GRIK3: variants seen among roughly 807,000 people sequenced by gnomAD.
GRIK3 encodes glutamate ionotropic receptor kainate type subunit 3, also known as glutamate receptor ionotropic, kainate 3.
Under a neutral mutation model 102.5 loss-of-function variants are expected in GRIK3, and 29 were observed. The ratio of observed to expected loss-of-function variants is 0.28; its 90% CI spans 0.21 to 0.39. The LOEUF is 0.39. Ranked by LOEUF, GRIK3 falls within the 10% of genes least tolerant of loss-of-function variation. The pLI is 1.00. For synonymous variants in GRIK3, 511 were observed against 504.9 expected, an observed-to-expected ratio of 1.01 and a Z score of -0.16; for missense variants, 908 against 1,252.4, an observed-to-expected ratio of 0.73 and a Z score of 4.15.
chr1:36,922,285 G>T (rs1443367310), intron 1 of GRIK3, among the ~76,000 whole-genome samples: 1 of 152,210 alleles, frequency 6.6e-6, no homozygotes, highest in East Asian at 1.9e-4. Flanking sequence ...AGAACAATGA[G>T]AACCCCAGGA....
intron 1 of GRIK3, among the ~76,000 whole-genome samples, chr1:36,910,173 G>A (rs1009208860): frequency 6.6e-6 from 1 of 152,228 alleles, no homozygotes; most frequent in African/African-American, 2.4e-5. Context: ...ACTCAGGCAG[G>A]ACTTAAGGCC....
At chr1:36,894,975 A>G (rs1641157337) in intron 1 of GRIK3, among the ~76,000 whole-genome samples, 1 of 152,146 alleles carries the variant, frequency 6.6e-6, no homozygotes, top group African/African-American at 2.4e-5. Flanking sequence ...AGACTAACTG[A>G]CCTGGTGGAA....
chr1:36,983,254 C>T (rs1025181849), intron 1 of GRIK3, among the ~76,000 whole-genome samples: 2 of 152,218 alleles, frequency 1.3e-5, no homozygotes, highest in Admixed American at 6.5e-5. Flanking sequence ...CGGGGATACT[C>T]ACATTGTAAC....
intron 1 of GRIK3, among the ~76,000 whole-genome samples, chr1:36,950,164 A>G (rs1641829394): frequency 6.6e-6 from 1 of 152,148 alleles, no homozygotes; most frequent in African/African-American, 2.4e-5. Flanking sequence ...TGACTTTATT[A>G]CCCCAGTCCT....
At chr1:36,820,695 C>G (rs990577989) in intron 11 of GRIK3, among the ~76,000 whole-genome samples, 3 of 152,160 alleles carry the variant, frequency 2.0e-5, no homozygotes, top group Non-Finnish European at 4.4e-5. Flanking sequence ...AATATTCAGA[C>G]AGTATAGATG....
chr1:36,885,727 G>A (rs1641030760), intron 2 of GRIK3, among the ~76,000 whole-genome samples: 1 of 152,112 alleles, frequency 6.6e-6, no homozygotes, highest in African/African-American at 2.4e-5. Context: ...AGGGCTTACA[G>A]CAGCAGCAGC....
At chr1:36,999,004 G>GTGTA (rs936051972) in intron 1 of GRIK3, among the ~76,000 whole-genome samples, 1 of 61,160 alleles carries the variant, frequency 1.6e-5, no homozygotes, top group Non-Finnish European at 3.6e-5. Context: ...GTGTGTGTGT[G>GTGTA]TGTATGTGTG....
intron 1 of GRIK3, among the ~76,000 whole-genome samples, chr1:37,023,860 C>A (rs887395898): frequency 6.6e-6 from 1 of 152,184 alleles, no homozygotes. Flanking sequence ...GCTTTCCAAG[C>A]ATGGAGACAT....
chr1:36,983,169 G>A (rs1005819977), intron 1 of GRIK3, among the ~76,000 whole-genome samples: 6 of 152,110 alleles, frequency 3.9e-5, no homozygotes, highest in African/African-American at 1.2e-4. Context: ...CACCGACACC[G>A]AGGACTGCCT....
At chr1:36,836,082 G>C (rs946328956) in intron 10 of GRIK3, among the ~76,000 whole-genome samples, 1 of 152,172 alleles carries the variant, frequency 6.6e-6, no homozygotes, top group Non-Finnish European at 1.5e-5. Context: ...GACTTGCCCT[G>C]GGGGAGCTCC....
intron 10 of GRIK3, among the ~76,000 whole-genome samples, chr1:36,826,632 C>A (rs529682988): frequency 1.3e-5 from 2 of 151,224 alleles, no homozygotes; most frequent in South Asian, 4.2e-4. Flanking sequence ...TGTGATCGTG[C>A]CACTGCACTC....
intron 5 of GRIK3, among the ~76,000 whole-genome samples, chr1:36,868,964 T>G (rs1332157349): frequency 6.6e-6 from 1 of 152,166 alleles, no homozygotes; most frequent in Non-Finnish European, 1.5e-5. Flanking sequence ...AGGAGGCTTT[T>G]TGAAAAGCGA....
At chr1:36,820,903 G>C (rs886144694) in intron 11 of GRIK3, among the ~76,000 whole-genome samples, 2 of 152,154 alleles carry the variant, frequency 1.3e-5, no homozygotes, top group Non-Finnish European at 2.9e-5. Context: ...TGTTCACTGC[G>C]TGAGTTCCAG....
intron 1 of GRIK3, among the ~76,000 whole-genome samples, chr1:36,913,202 C>G (rs1209920144): frequency 1.3e-5 from 2 of 152,178 alleles, no homozygotes; most frequent in African/African-American, 4.8e-5. Flanking sequence ...GGGCTCATCT[C>G]CAAACCCGGG....
At position 36,968,059 on chromosome 1, in the gene GRIK3, T is replaced by C. The variant is rs553228886; in HGVS notation, c.115+65935A>G. Among the ~76,000 whole-genome samples the C allele has an allele frequency of 3.3e-5, 5 of 152,304 alleles. No homozygotes were observed. The East Asian group carries it at 9.7e-4, about 29-fold the overall frequency. The stretch of plus-strand genomic sequence containing the variant: ...CTGAGCTGGCAGAGCACTGGGGTTC[T>C]GTGATGGTGGCAGACTCCCTGCCCC... On this transcript the variant is annotated intron_variant, in intron 1 of 15. Transcript: ENST00000373091.
intron 1 of GRIK3, among the ~76,000 whole-genome samples, chr1:36,966,667 C>T (rs1014545249): frequency 5.9e-5 from 9 of 151,842 alleles, no homozygotes; most frequent in South Asian, 4.2e-4. Flanking sequence ...CTCTGGACAC[C>T]GAGAGATCAC....
intron 1 of GRIK3, among the ~76,000 whole-genome samples, chr1:36,923,376 G>C (rs1466155592): frequency 6.6e-6 from 1 of 152,200 alleles, no homozygotes. Context: ...AACAGGGAAA[G>C]GGCAGGGAAG....
intron 10 of GRIK3, among the ~76,000 whole-genome samples, chr1:36,835,411 T>C (rs1343920828): frequency 6.6e-6 from 1 of 152,228 alleles, no homozygotes; most frequent in East Asian, 1.9e-4. Flanking sequence ...CCCCAAGAGA[T>C]GGTCCTGAGA....
chr1:36,971,293 CA>C (rs1291681145), intron 1 of GRIK3, among the ~76,000 whole-genome samples: 1 of 152,184 alleles, frequency 6.6e-6, no homozygotes, highest in African/African-American at 2.4e-5. Flanking sequence ...GGGCTTTATT[CA>C]AGAGCTTGGA....
Sources: allele counts gnomAD v4.1 joint callset (sites outside exome capture counted in the v4.1 genomes callset), GRCh38; gene constraint gnomAD v4.1.1; transcripts MANE v1.5; gene names NCBI Gene and HGNC (gene_info 2026-07-23, HGNC 2026-07-21).